Variants in CSMD1 observed in about 807,000 individuals in gnomAD.
CSMD1 encodes CUB and Sushi multiple domains 1, also known as CUB and sushi domain-containing protein 1.
A neutral mutation model predicts 417.5 loss-of-function variants in CSMD1; 213 were observed. The observed-to-expected ratio is 0.51, with a 90% CI of 0.46 to 0.57. The LOEUF is 0.57. Among genes scored for constraint, CSMD1 ranks in the 20% least tolerant of loss-of-function variants. CSMD1 has a pLI of 0.00. For synonymous variants in CSMD1, 2,862 were observed against 1,736.8 expected, an observed-to-expected ratio of 1.65 and a Z score of -16.11; for missense variants, 6,923 against 4,529.7, an observed-to-expected ratio of 1.53 and a Z score of -15.17.
chr8:3,817,421 T>C (rs945378390), intron 5 of CSMD1, among the ~76,000 whole-genome samples: 4 of 151,592 alleles, frequency 2.6e-5, no homozygotes, highest in South Asian at 4.2e-4. Context: ...GCTGGGACTA[T>C]AGGCGTGCGC....
At chr8:4,367,075 T>G (rs1487449638) in intron 3 of CSMD1, among the ~76,000 whole-genome samples, 1 of 152,214 alleles carries the variant, frequency 6.6e-6, no homozygotes, top group Admixed American at 6.5e-5. Flanking sequence ...AATTTTTATT[T>G]TTATTGCAAT....
At chr8:4,204,478 C>G (rs1036581271) in intron 3 of CSMD1, among the ~76,000 whole-genome samples, 5 of 152,128 alleles carry the variant, frequency 3.3e-5, no homozygotes, top group African/African-American at 1.2e-4. Context: ...TCAGCACTTT[C>G]TAGATTGTAA....
chr8:4,098,010 G>A (rs1211739567), intron 3 of CSMD1, among the ~76,000 whole-genome samples: 5 of 152,174 alleles, frequency 3.3e-5, no homozygotes, highest in South Asian at 4.1e-4. Flanking sequence ...TCTGTCAAGA[G>A]TGATTTGCAG....
intron 26 of CSMD1, among the ~76,000 whole-genome samples, chr8:3,281,496 T>C (rs574653944): frequency 2.3e-4 from 35 of 152,214 alleles, no homozygotes; most frequent in African/African-American, 7.2e-4. Flanking sequence ...TAGAATATTA[T>C]TCGCTGCTAA....
chr8:4,348,546 A>AGT (rs1233992590), intron 3 of CSMD1, among the ~76,000 whole-genome samples: 2 of 144,784 alleles, frequency 1.4e-5, no homozygotes, highest in Non-Finnish European at 3.0e-5. Flanking sequence ...CACAAATAAA[A>AGT]GTGTGTGTGT....
intron 10 of CSMD1, among the ~76,000 whole-genome samples, chr8:3,504,462 C>T (rs1196998232): frequency 1.3e-5 from 2 of 152,180 alleles, no homozygotes; most frequent in African/African-American, 4.8e-5. Context: ...TGGCATCCAG[C>T]AGACACTTGA....
chr8:4,881,523 C>G (rs1220098634), intron 1 of CSMD1, among the ~76,000 whole-genome samples: 2 of 120,208 alleles, frequency 1.7e-5, no homozygotes, highest in Non-Finnish European at 3.3e-5. Context: ...AGGTCAGAAA[C>G]TCGAAGTTAG....
chr8:4,393,181 G>T (rs561855605), intron 3 of CSMD1, among the ~76,000 whole-genome samples: 1 of 152,060 alleles, frequency 6.6e-6, no homozygotes, highest in South Asian at 2.1e-4. Flanking sequence ...TCACCATGTT[G>T]CCCAGGATGG....
chr8:3,162,342 A>G, intron 37 of CSMD1, 65 bp from the exon 38 acceptor site: 1 of 1,057,766 alleles, frequency 9.5e-7, no homozygotes, highest in Non-Finnish European at 1.4e-6. Flanking sequence ...CATTTGAATA[A>G]CCAAAGTTTA....
In CSMD1 at chr8:4,298,527, C is replaced by T. The variant is rs758459186; in HGVS notation, c.415+121426G>A. 2.0e-5 allele frequency among the ~76,000 whole-genome samples: 3 copies of T among 152,204 alleles called. No individual in the cohort carries two copies. The East Asian group carries it at 5.8e-4, about 29-fold the overall frequency. The stretch of plus-strand genomic sequence containing the variant: ...TAAAAGCCCTGACTTGACCTATATA[C>T]AATGTACACATGTAGCAAAATTGTA... On this transcript the variant is annotated intron_variant, in intron 3 of 69. Transcript: ENST00000635120.
At chr8:4,544,404 A>G (rs1038648587) in intron 2 of CSMD1, among the ~76,000 whole-genome samples, 2 of 152,066 alleles carry the variant, frequency 1.3e-5, no homozygotes, top group African/African-American at 4.8e-5. Context: ...TTTTATTAAT[A>G]AAAATTACAG....
chr8:4,940,853 C>A (rs974112571), intron 1 of CSMD1, among the ~76,000 whole-genome samples: 4 of 152,144 alleles, frequency 2.6e-5, no homozygotes, highest in African/African-American at 9.7e-5. Flanking sequence ...GCTTAGAGGT[C>A]ATGGTTAAAA....
chr8:3,687,542 C>T (rs992106736), intron 7 of CSMD1, among the ~76,000 whole-genome samples: 4 of 152,178 alleles, frequency 2.6e-5, no homozygotes, highest in Non-Finnish European at 5.9e-5. Flanking sequence ...TCCAGATATT[C>T]TCTGTGTAAA....
chr8:4,903,375 C>T (rs1163037615), intron 1 of CSMD1, among the ~76,000 whole-genome samples: 1 of 152,118 alleles, frequency 6.6e-6, no homozygotes, highest in Non-Finnish European at 1.5e-5. Context: ...GGTTTTAATT[C>T]AGGAAGCTTC....
chr8:3,622,801 CACCAT>C (rs1796320573), intron 7 of CSMD1, among the ~76,000 whole-genome samples: 1 of 17,922 alleles, frequency 5.6e-5, no homozygotes, highest in Non-Finnish European at 1.2e-4. Context: ...ATTCCATCCA[CACCAT>C]GAGTCATTGA....
At chr8:3,922,048 A>G (rs568542576) in intron 5 of CSMD1, among the ~76,000 whole-genome samples, 10 of 152,284 alleles carry the variant, frequency 6.6e-5, no homozygotes, top group Non-Finnish European at 1.3e-4. Flanking sequence ...TATTTGCTAT[A>G]TATGTAGGTG....
chr8:3,009,711 A>C (rs1808233538), intron 52 of CSMD1, among the ~76,000 whole-genome samples: 2 of 152,124 alleles, frequency 1.3e-5, no homozygotes, highest in Admixed American at 6.5e-5. Flanking sequence ...CCATGCATAG[A>C]TATGCATATG....
intron 10 of CSMD1, among the ~76,000 whole-genome samples, chr8:3,498,105 C>A (rs992068501): frequency 6.6e-6 from 1 of 152,068 alleles, no homozygotes; most frequent in African/African-American, 2.4e-5. Flanking sequence ...TTTTTTCTTT[C>A]AGCATTTTCA....
At chr8:3,936,961 G>A (rs1237024775) in intron 5 of CSMD1, among the ~76,000 whole-genome samples, 2 of 152,168 alleles carry the variant, frequency 1.3e-5, no homozygotes, top group African/African-American at 4.8e-5. Flanking sequence ...AGCACGAACA[G>A]GAGTTTAAAA....
Sources: allele counts gnomAD v4.1 joint callset (sites outside exome capture counted in the v4.1 genomes callset), GRCh38; gene constraint gnomAD v4.1.1; transcripts MANE v1.5; gene names NCBI Gene and HGNC (gene_info 2026-07-23, HGNC 2026-07-21).